TMEM87A: variants seen among roughly 807,000 people sequenced by gnomAD.
The protein encoded by TMEM87A is Golgi-pH regulating cation channel.
Under a neutral mutation model 90.0 loss-of-function variants are expected in TMEM87A, and 50 were observed. That is an observed-to-expected ratio of 0.56 (90% CI 0.44 to 0.70). The LOEUF (loss-of-function observed/expected upper bound fraction) is 0.70, where lower values mean the gene tolerates loss of function less well. Ranked by LOEUF, TMEM87A falls within the 30% of genes least tolerant of loss-of-function variation. The probability of loss-of-function intolerance (pLI) is 0.00; values close to 1 mark genes in which losing one functional copy is unlikely to be tolerated. For synonymous variants in TMEM87A, 226 were observed against 226.7 expected (o/e 1.00, Z 0.03); for missense variants, 577 against 660.5 (o/e 0.87, Z 1.39).
intron 2 of TMEM87A, 123 bp from the exon 3 acceptor site, chr15:42,268,155 CT>C: frequency 1.6e-6 from 1 of 625,810 alleles, no homozygotes; most frequent in Non-Finnish European, 2.7e-6. Flanking sequence ...ACCATCCTTT[CT>C]CCAAACATAA....
At chr15:42,230,797 C>A (rs1257536310) in intron 12 of TMEM87A, among the ~76,000 whole-genome samples, 4 of 152,152 alleles carry the variant, frequency 2.6e-5, no homozygotes, top group African/African-American at 4.8e-5. Flanking sequence ...GGATCAAAAT[C>A]TTTTCATAAG....
rs1163005339 is a variant in TMEM87A at position 42,236,353 on chromosome 15, A to G, written c.935T>C (p.Val312Ala). The change falls in exon 10 of 20, where the codon GTC becomes GCC. Residue 312 changes from valine (V) to alanine (A), a missense_variant. Val to Ala is a moderately conservative substitution (Grantham distance 64). Transcript: ENST00000389834. ...AVKRSLARTL[V>A]IIVSLGYGIV... ...GCCATATCCCAGACTGACTATGATG[A>G]CCAGGGTTCGAGCCAGTGAGCGTTT... The G allele has an allele frequency of 1.9e-6, 3 of 1,614,012 alleles. No homozygotes were observed. The highest frequency in any genetic ancestry group is 2.5e-6 in the Non-Finnish European group (3 of 1,179,974).
At chr15:42,263,746 T>C (rs1218413861) in intron 4 of TMEM87A, among the ~76,000 whole-genome samples, 5 of 152,022 alleles carry the variant, frequency 3.3e-5, no homozygotes, top group Non-Finnish European at 5.9e-5. Flanking sequence ...AGAATCTGCC[T>C]TGGGGAAAAA....
At chr15:42,226,451 A>G (rs2050595863) in intron 15 of TMEM87A, among the ~76,000 whole-genome samples, 1 of 152,176 alleles carries the variant, frequency 6.6e-6, no homozygotes, top group South Asian at 2.1e-4. Flanking sequence ...CAAAATATGT[A>G]TGTAACTCAA....
At chr15:42,232,857 T>C (rs2050708809) in intron 11 of TMEM87A, 1 of 160,226 alleles carries the variant, frequency 6.2e-6, no homozygotes, top group South Asian at 1.8e-4. Context: ...GATTAACTAG[T>C]AAGTGTATGA....
chr15:42,247,128 T>G (rs532498652), intron 6 of TMEM87A, among the ~76,000 whole-genome samples: 53 of 152,336 alleles, frequency 3.5e-4, no homozygotes, highest in African/African-American at 1.2e-3. Context: ...CTTTGTCCAC[T>G]TTTTGATGGG....
intron 10 of TMEM87A, among the ~76,000 whole-genome samples, chr15:42,234,041 C>T (rs1382834275): frequency 6.6e-6 from 1 of 151,990 alleles, no homozygotes; most frequent in African/African-American, 2.4e-5. Flanking sequence ...ATTGGCCTCC[C>T]CAAGGGCTGG....
intron 6 of TMEM87A, among the ~76,000 whole-genome samples, chr15:42,260,035 G>C (rs969620857): frequency 6.6e-6 from 1 of 152,056 alleles, no homozygotes; most frequent in Non-Finnish European, 1.5e-5. Flanking sequence ...TGCACAACTT[G>C]AGAATACTAA....
chr15:42,242,983 A>G lies in TMEM87A; in HGVS notation c.622+1067T>C, dbSNP rs2050899464. Among the ~76,000 whole-genome samples, 4 of 152,136 alleles carry G rather than the reference A, an allele frequency of 2.6e-5. No individual in the cohort carries two copies. In the South Asian group the frequency reaches 8.3e-4, roughly 31 times the overall value. On this transcript the variant is annotated intron_variant, in intron 7 of 19. Transcript: ENST00000389834. ...TCTGCTTAAGAAAGCAGGGTAGGAA[A>G]GGGCCAGGCACGGCGGCTCACCCCT...
At chr15:42,248,139 T>G in intron 6 of TMEM87A, among the ~76,000 whole-genome samples, 1 of 152,220 alleles carries the variant, frequency 6.6e-6, no homozygotes, top group Non-Finnish European at 1.5e-5. Flanking sequence ...TTTTGTATCC[T>G]GAGACTTTGC....
intron 15 of TMEM87A, among the ~76,000 whole-genome samples, chr15:42,222,276 C>T (rs79543993): frequency 0.018 from 2,743 of 152,238 alleles, 37 homozygotes; most frequent in Middle Eastern, 0.031. Flanking sequence ...AAACTGGTCT[C>T]GAACTCCTGA....
chr15:42,227,821 C>T lies in TMEM87A; in HGVS notation c.1241-52G>A, dbSNP rs764558246. ...GAGTATGAATGCTGGTTTACATCCCCAATTACATTCCCCCATTTCCGGTTA... is the reference window on the plus strand; with the variant it reads ...GAGTATGAATGCTGGTTTACATCCCTAATTACATTCCCCCATTTCCGGTTA... On this transcript the variant is annotated intron_variant, in intron 13 of 19. Transcript: ENST00000389834. 3.3e-6 allele frequency: 5 copies of T among 1,517,814 alleles called. No individual in the cohort carries two copies. The South Asian group carries it at 5.6e-5, about 17-fold the overall frequency. The allele number at this position is 1,517,814 out of a possible 1,614,324, so 94.0% of individuals were successfully genotyped here. A position where few individuals can be genotyped will look rare whatever the true frequency, so the allele number is the denominator to read the frequency against.
In TMEM87A at chr15:42,244,061, T is replaced by C. The variant is rs372005757; in HGVS notation, c.611A>G (p.Asn204Ser). The C allele has an allele frequency of 1.2e-5, 18 of 1,561,526 alleles. No homozygotes were observed. The highest frequency in any genetic ancestry group is 2.8e-5 in the African/African-American group (2 of 71,628). ...AAAACTGAACTTACTGGTAAAAAGA[T>C]TACTCAGTGAATTTTCTTTTGATGA... ...KESSKENSLS[N>S]LFTMTVEVKG... is the part of the protein sequence containing the mutation. The change falls in exon 7 of 20, where the codon AAT becomes AGT. Residue 204 changes from asparagine (N) to serine (S), a missense_variant. Transcript: ENST00000389834.
chr15:42,233,097 C>A, intron 11 of TMEM87A, 116 bp downstream of exon 11: 4 of 777,566 alleles, frequency 5.1e-6, no homozygotes, highest in Non-Finnish European at 8.3e-6. Context: ...AAATCAGAGC[C>A]CAAAAGTGAC....
intron 6 of TMEM87A, among the ~76,000 whole-genome samples, chr15:42,256,325 G>A (rs1274776053): frequency 2.0e-5 from 3 of 151,850 alleles, no homozygotes; most frequent in Non-Finnish European, 4.4e-5. Context: ...ATTTTTAGTA[G>A]AGATAGGGTT....
In TMEM87A at chr15:42,232,515, C is replaced by A. The variant is rs956566847; in HGVS notation, c.1062+698G>T. Among the ~76,000 whole-genome samples the A allele has an allele frequency of 3.9e-4, 60 of 152,106 alleles. 1 individual carries two copies. Among genetic ancestry groups the A allele is most frequent in the African/African-American group, 1.4e-3 (57 of 41,400 alleles). ...TTGAGACGGAGTCTTGCTCTGTCGCCCAGGCTGGAGTGCAGTGGCACGATC... is the reference window on the plus strand; with the variant it reads ...TTGAGACGGAGTCTTGCTCTGTCGCACAGGCTGGAGTGCAGTGGCACGATC... On this transcript the variant is annotated intron_variant, in intron 11 of 19. Transcript: ENST00000389834.
intron 8 of TMEM87A, among the ~76,000 whole-genome samples, 190 bp from the exon 9 acceptor site, chr15:42,237,805 G>C (rs944544610): frequency 3.3e-5 from 5 of 151,632 alleles, no homozygotes; most frequent in African/African-American, 1.2e-4. Context: ...TGGGATTACA[G>C]GCATAAGCCA....
intron 12 of TMEM87A, among the ~76,000 whole-genome samples, 187 bp downstream of exon 12, chr15:42,231,004 AT>A (rs971683549): frequency 6.6e-6 from 1 of 152,212 alleles, no homozygotes; most frequent in African/African-American, 2.4e-5. Context: ...GATTTTTAAA[AT>A]TAAAAAAATA....
chr15:42,240,099 T>C (rs2050842843), intron 7 of TMEM87A, among the ~76,000 whole-genome samples: 1 of 152,220 alleles, frequency 6.6e-6, no homozygotes, highest in South Asian at 2.1e-4. Context: ...ACTTCATATA[T>C]ACTTTTCCTT....
Sources: gnomAD v4.1 joint callset for allele counts (sites outside exome capture counted in the v4.1 genomes callset) on GRCh38, gnomAD v4.1.1 for gene constraint, MANE v1.5 for transcripts, NCBI Gene and HGNC (gene_info 2026-07-23, HGNC 2026-07-21) for gene names.